The following ARHGEF25 variants were observed in gnomAD, a reference collection of about 807,000 sequenced individuals.
ARHGEF25 encodes the protein Rho guanine nucleotide exchange factor 25, also known as RAC/CDC42 exchange factor.
A neutral mutation model predicts 74.0 loss-of-function variants in ARHGEF25; 42 were observed. The ratio of observed to expected loss-of-function variants is 0.57; its 90% CI spans 0.44 to 0.73. The LOEUF is 0.73. Among genes scored for constraint, ARHGEF25 ranks in the 30% least tolerant of loss-of-function variants. ARHGEF25 has a pLI of 0.00. For missense variants in ARHGEF25, 645 were observed against 725.5 expected (o/e 0.89, Z 1.27); for synonymous variants, 293 against 278.6 (o/e 1.05, Z -0.51).
At chr12:57,615,425 G>T in intron 11 of ARHGEF25, 87 bp from the exon 12 acceptor site, 1 of 1,595,522 alleles carries the variant, frequency 6.3e-7, no homozygotes, top group South Asian at 1.1e-5. Flanking sequence ...CCCATGGTTG[G>T]TTGGGCATGT....
Position 57,616,002 on chromosome 12 carries a change from C to T in ARHGEF25, c.1405C>T (p.Arg469Trp), listed in dbSNP as rs764036012. The change falls in exon 13 of 15, where the codon CGG becomes TGG. Residue 469 changes from arginine to tryptophan, a missense_variant. This residue lies in a region of ARHGEF25 where 262 missense variants were observed against 256.9 expected (regional missense o/e 1.02). Transcript: ENST00000286494. ...TGTGGCTCAGATCTTGGAGAGCCAACGGGACTTCCTCAACGGTGAAGCTCT... is the reference window on the plus strand; with the variant it reads ...TGTGGCTCAGATCTTGGAGAGCCAATGGGACTTCCTCAACGGTGAAGCTCT... ...KHVAQILESQ[R>W]DFLNALQSPI... is the part of the protein sequence containing the mutation. The T allele has an allele frequency of 8.1e-5, 131 of 1,612,246 alleles. No individual in the cohort carries two copies. Among genetic ancestry groups the T allele is most frequent in the Middle Eastern group, 1.7e-4 (1 of 6,050 alleles).
In ARHGEF25 at chr12:57,615,628, G is replaced by C. The variant is rs1396747504; in HGVS notation, c.1155G>C (p.Glu385Asp). 6.2e-7 allele frequency: 1 copy of C among 1,614,174 alleles called. No individual in the cohort carries two copies. Among genetic ancestry groups the C allele is most frequent in the Non-Finnish European group, 8.5e-7 (1 of 1,180,040 alleles). Residue 385 changes from glutamate to aspartate, a missense_variant, in exon 12 of 15, where the codon GAG (glutamate) becomes GAC (aspartate). Glu to Asp is a conservative substitution (Grantham distance 45). Transcript: ENST00000286494. The part of the protein sequence containing the change: ...RGRERRVFLF[E>D]QIIIFSEALG... ...GAGAGAGGCGCGTCTTCCTCTTTGA[G>C]CAAATCATCATCTTCAGTGAAGCCC... is the stretch of plus-strand genomic sequence containing the variant.
At position 57,614,380 on chromosome 12, in the gene ARHGEF25, G is replaced by A. The variant is rs974306796; in HGVS notation, c.706G>A (p.Ala236Thr). 6.2e-7 allele frequency: 1 copy of A among 1,613,958 alleles called. No homozygotes were observed. Among genetic ancestry groups the A allele is most frequent in the African/African-American group, 1.3e-5 (1 of 74,884 alleles). ...QRCLKDPDWL[A>T]QLFIKHERRL... ...GTGTCTGAAAGATCCTGATTGGCTGGCTCAGCTATTCATCAAACACGTGAG... is the reference window on the plus strand; with the variant it reads ...GTGTCTGAAAGATCCTGATTGGCTGACTCAGCTATTCATCAAACACGTGAG... Residue 236 changes from alanine to threonine, a missense_variant, in exon 7 of 15, where the codon GCT becomes ACT. Physicochemically the swap from Ala to Thr is moderately conservative, Grantham distance 58. Transcript: ENST00000286494. The surrounding 1 kb of genome is among the most constrained non-coding windows in gnomAD (Gnocchi z 4.6).
At chr12:57,612,725 C>T (rs1029743589) in intron 1 of ARHGEF25, 1 of 1,446,762 alleles carries the variant, frequency 6.9e-7, no homozygotes, top group Non-Finnish European at 9.1e-7. Flanking sequence ...CCTGGAGAGC[C>T]AGGCGTTTAC....
chr12:57,615,409 G>A, intron 11 of ARHGEF25, 95 bp downstream of exon 11: 3 of 1,588,602 alleles, frequency 1.9e-6, no homozygotes, highest in Non-Finnish European at 1.7e-6. Flanking sequence ...TTCTCCTGGG[G>A]CTGACCCCAT....
Position 57,614,196 on chromosome 12 carries a change from A to G in ARHGEF25, c.656+77A>G. On this transcript the variant is annotated intron_variant, in intron 6 of 14. Coordinates refer to ENST00000286494, the MANE Select transcript of ARHGEF25 (RefSeq NM_182947.4). The surrounding 1 kb of genome is among the most constrained non-coding windows in gnomAD (Gnocchi z 4.6). ...TTGTCCTGTATCCTAACATCAGCCC[A>G]TTGCGACTTAAGGAATGTTTGGAGA... 1 of 1,586,618 alleles carries G rather than the reference A, an allele frequency of 6.3e-7. No homozygotes were observed. Among genetic ancestry groups the G allele is most frequent in the Non-Finnish European group, 8.7e-7 (1 of 1,155,802 alleles).
intron 1 of ARHGEF25, 42 bp from the exon 2 acceptor site, chr12:57,612,888 T>C (rs913645403): frequency 1.3e-6 from 2 of 1,588,948 alleles, no homozygotes; most frequent in African/African-American, 2.7e-5. Context: ...AGTCTGGAGC[T>C]GGGGCAAGGT....
At position 57,615,678 on chromosome 12, in the gene ARHGEF25, C is replaced by A. The variant is rs1884251882; in HGVS notation, c.1205C>A (p.Thr402Lys). ...EALGGGVRGG[T>K]QPGYVYKNSI... Reference sequence around the variant, plus strand: ...CTGGGAGGAGGAGTGAGAGGTGGAACACAGCCTGGATATGTATACAAGAAC... The same window carrying A: ...CTGGGAGGAGGAGTGAGAGGTGGAAAACAGCCTGGATATGTATACAAGAAC... Residue 402 changes from threonine to lysine, a missense_variant, in exon 12 of 15, where the codon ACA becomes AAA. Coordinates refer to ENST00000286494, the MANE Select transcript of ARHGEF25 (RefSeq NM_182947.4). 1.2e-6 allele frequency: 2 copies of A among 1,614,112 alleles called. No individual in the cohort carries two copies. The highest frequency in any genetic ancestry group is 8.5e-7 in the Non-Finnish European group (1 of 1,180,034).
chr12:57,610,180 C>T (rs955932073), upstream of ARHGEF25: 1 of 1,396,440 alleles, frequency 7.2e-7, no homozygotes, highest in African/African-American at 1.4e-5. Flanking sequence ...TCAGTGCCCC[C>T]TCGACCCTGA....
rs1884060354 is a variant in ARHGEF25 at position 57,611,804 on chromosome 12, G to A, written c.-91G>A. 10 of 1,152,932 alleles carry A rather than the reference G, an allele frequency of 8.7e-6. No individual in the cohort carries two copies. The East Asian group carries it at 3.3e-4, about 38-fold the overall frequency. The allele number at this position is 1,152,932 out of a possible 1,614,324, so 71.4% of individuals were successfully genotyped here. On this transcript the variant is annotated 5_prime_UTR_variant, in exon 1 of 15. Transcript: ENST00000286494. The surrounding 1 kb of genome is among the most constrained non-coding windows in gnomAD (Gnocchi z 4.5). Reference sequence around the variant, plus strand: ...CCTGGACCGGGGTAGGAGGGAGGGGGGGTGTGCGCCCGGCGCCGTCCCCGC... The same window carrying A: ...CCTGGACCGGGGTAGGAGGGAGGGGAGGTGTGCGCCCGGCGCCGTCCCCGC...
At chr12:57,616,248 G>A (rs1884280099) in intron 13 of ARHGEF25, 36 bp from the exon 14 acceptor site, 1 of 1,585,682 alleles carries the variant, frequency 6.3e-7, no homozygotes. Flanking sequence ...ACCTGTCTCT[G>A]CGGTAACCCT....
Position 57,611,698 on chromosome 12 carries a change from GC to G in ARHGEF25, c.-192del. 1.7e-6 allele frequency: 2 copies of G among 1,155,506 alleles called. No homozygotes were observed. The highest frequency in any genetic ancestry group is 1.1e-6 in the Non-Finnish European group (1 of 939,326). 71.6% of individuals were successfully genotyped at this position (1,155,506 alleles called of 1,614,324 possible). Reference sequence around the variant, plus strand: ...GGCCCCGCGCCTCTCTCTCTCTAGAGCCCCCAGCCCTCCTCAAGACTAGACT... The same window carrying G: ...GGCCCCGCGCCTCTCTCTCTCTAGAGCCCCAGCCCTCCTCAAGACTAGACT... On this transcript the variant is annotated 5_prime_UTR_variant, in exon 1 of 15. Coordinates refer to ENST00000286494, the MANE Select transcript of ARHGEF25 (RefSeq NM_182947.4). The surrounding 1 kb of genome is among the most constrained non-coding windows in gnomAD (Gnocchi z 4.5).
Position 57,613,313 on chromosome 12 carries a change from T to C in ARHGEF25, c.362T>C (p.Leu121Pro), listed in dbSNP as rs1192390644. 1 of 1,614,230 alleles carries C rather than the reference T, an allele frequency of 6.2e-7. No individual in the cohort carries two copies. The highest frequency in any genetic ancestry group is 1.1e-5 in the South Asian group (1 of 91,086). ...GCCACAGGAGAGGAGCTGCCGGAAC[T>C]GACCTTGCTGACCACACTGTTGGAG... ...ALATGEELPE[L>P]TLLTTLLEGP... The change falls in exon 3 of 15, where the codon CTG becomes CCG. Residue 121 changes from leucine to proline, a missense_variant. By Grantham distance (98) the Leu-to-Pro change is moderately conservative (BLOSUM62 -3). Coordinates refer to ENST00000286494, the MANE Select transcript of ARHGEF25 (RefSeq NM_182947.4).
At chr12:57,612,679 T>G in intron 1 of ARHGEF25, 18 of 1,342,488 alleles carry the variant, frequency 1.3e-5, no homozygotes, top group Admixed American at 3.0e-5. Context: ...ATGCTCAGGA[T>G]ATGGGGAACC....
chr12:57,610,220 A>G, upstream of ARHGEF25: 1 of 1,591,958 alleles, frequency 6.3e-7, no homozygotes, highest in Non-Finnish European at 8.6e-7. Context: ...GTTCAGTATG[A>G]AGCCCCCGGA....
At chr12:57,611,224 G>A (rs1884024385), upstream of ARHGEF25, among the ~76,000 whole-genome samples, 1 of 152,224 alleles carries the variant, frequency 6.6e-6, no homozygotes. The surrounding 1 kb of genome is among the most constrained non-coding windows in gnomAD (Gnocchi z 4.5). Flanking sequence ...CGCAGAGCCC[G>A]GGATGCGAGA....
chr12:57,613,383 G>C, intron 3 of ARHGEF25, 24 bp downstream of exon 3: 1 of 1,614,198 alleles, frequency 6.2e-7, no homozygotes, highest in Non-Finnish European at 8.5e-7. Context: ...CTCTGGGGAG[G>C]CTCCTTTCAC....
upstream of ARHGEF25, chr12:57,610,150 G>A: frequency 1.2e-6 from 1 of 850,116 alleles, no homozygotes; most frequent in Non-Finnish European, 1.8e-6. Flanking sequence ...GACGCGCGCA[G>A]GCCTCAAAGC....
chr12:57,615,567 A>G lies in ARHGEF25; in HGVS notation c.1094A>G (p.Glu365Gly), dbSNP rs1884245901. 1.9e-6 allele frequency: 3 copies of G among 1,614,038 alleles called. No individual in the cohort carries two copies. Among genetic ancestry groups the G allele is most frequent in the South Asian group, 2.2e-5 (2 of 91,090 alleles). The change falls in exon 12 of 15, where the codon GAG becomes GGG. Residue 365 changes from glutamate to glycine, a missense_variant. Glu to Gly is a moderately conservative substitution (Grantham distance 98, BLOSUM62 -2). Transcript: ENST00000286494. Reference sequence around the variant, plus strand: ...GGCCAGGACACTTTCTGGGTCACCGAGCCTGAGGCTGGAGGGCTGCTGTCT... The same window carrying G: ...GGCCAGGACACTTTCTGGGTCACCGGGCCTGAGGCTGGAGGGCTGCTGTCT... ...LLGQDTFWVTEPEAGGLLSSR... is the reference protein window; with the variant it reads ...LLGQDTFWVTGPEAGGLLSSR...
Sources: gnomAD v4.1 joint callset for allele counts (sites outside exome capture counted in the v4.1 genomes callset) on GRCh38, gnomAD v4.1.1 for gene constraint, gnomAD v4.1.1 regional missense constraint, Gnocchi (gnomAD v3.1) non-coding constraint, MANE v1.5 for transcripts, NCBI Gene and HGNC (gene_info 2026-07-23, HGNC 2026-07-21) for gene names.